LRRTM4: variants seen among roughly 807,000 people sequenced by gnomAD.
The protein encoded by LRRTM4 is leucine rich repeat transmembrane neuronal 4, also known as leucine-rich repeat transmembrane neuronal protein 4.
LRRTM4 carries 25 observed loss-of-function variants against 47.6 expected under a neutral mutation model. The observed-to-expected ratio is 0.53, with a 90% CI of 0.38 to 0.73. LRRTM4 has a LOEUF of 0.73. Ranked by LOEUF, LRRTM4 falls within the 30% of genes least tolerant of loss-of-function variation. LRRTM4 has a pLI of 0.00. For missense variants in LRRTM4, 638 were observed against 713.4 expected (o/e 0.89, Z 1.20); for synonymous variants, 311 against 269.5 (o/e 1.15, Z -1.51).
chr2:77,499,976 C>T (rs9309517), intron 3 of LRRTM4, among the ~76,000 whole-genome samples: 85,567 of 151,294 alleles, frequency 0.57, 24,622 homozygotes, highest in Middle Eastern at 0.66. Flanking sequence ...TGGAGCCCAA[C>T]AGGAGATACC....
At chr2:77,397,393 A>C (rs1038042236) in intron 3 of LRRTM4, among the ~76,000 whole-genome samples, 3 of 151,910 alleles carry the variant, frequency 2.0e-5, no homozygotes, top group African/African-American at 7.2e-5. Context: ...ACTGCTAATT[A>C]AACATAGCTA....
chr2:77,176,814 A>G (rs1673209411), intron 3 of LRRTM4, among the ~76,000 whole-genome samples: 1 of 152,230 alleles, frequency 6.6e-6, no homozygotes, highest in African/African-American at 2.4e-5. Context: ...AATCGCTAAG[A>G]CCCCACTGGT....
At chr2:76,911,102 CT>C (rs1333831851) in intron 3 of LRRTM4, among the ~76,000 whole-genome samples, 2 of 152,132 alleles carry the variant, frequency 1.3e-5, no homozygotes, top group East Asian at 3.9e-4. Context: ...ACAGAAATAT[CT>C]TTAAAACATA....
chr2:77,059,052 A>C (rs1485405593), intron 3 of LRRTM4, among the ~76,000 whole-genome samples: 1 of 152,122 alleles, frequency 6.6e-6, no homozygotes, highest in African/African-American at 2.4e-5. Context: ...TTGAAAACAA[A>C]GTCTTTTTTC....
At chr2:77,451,360 T>C (rs762584915) in intron 3 of LRRTM4, among the ~76,000 whole-genome samples, 1 of 152,220 alleles carries the variant, frequency 6.6e-6, no homozygotes, top group Non-Finnish European at 1.5e-5. Context: ...TATCTGTTGA[T>C]TGATTTTTAG....
intron 3 of LRRTM4, among the ~76,000 whole-genome samples, chr2:77,302,555 A>G (rs1677158792): frequency 6.6e-6 from 1 of 152,214 alleles, no homozygotes; most frequent in Admixed American, 6.5e-5. Context: ...TTAAATAAAA[A>G]AGTAAACCAC....
chr2:76,787,916 G>A (rs1350756089), intron 3 of LRRTM4, among the ~76,000 whole-genome samples: 1 of 152,006 alleles, frequency 6.6e-6, no homozygotes, highest in Admixed American at 6.6e-5. Context: ...CCCTCATTAT[G>A]AATTAAGTAA....
chr2:77,285,340 T>TATATATATATATATATATATA (rs1676621332), intron 3 of LRRTM4, among the ~76,000 whole-genome samples: 6 of 82,606 alleles, frequency 7.3e-5, no homozygotes, highest in Admixed American at 1.5e-4. Context: ...AGCATTAAAT[T>TATATATATATATATATATATA]TATATATATA....
At chr2:77,144,949 T>G (rs751446183) in intron 3 of LRRTM4, among the ~76,000 whole-genome samples, 1 of 152,150 alleles carries the variant, frequency 6.6e-6, no homozygotes, top group African/African-American at 2.4e-5. Flanking sequence ...TAGAAATGTA[T>G]GCTTGGATAA....
At chr2:77,428,684 G>T (rs1675226100) in intron 3 of LRRTM4, among the ~76,000 whole-genome samples, 1 of 152,132 alleles carries the variant, frequency 6.6e-6, no homozygotes, top group South Asian at 2.1e-4. Flanking sequence ...CCTGTGTATT[G>T]TCAATAGAAA....
At chr2:77,345,252 T>C (rs1671520473) in intron 3 of LRRTM4, among the ~76,000 whole-genome samples, 1 of 151,414 alleles carries the variant, frequency 6.6e-6, no homozygotes, top group Non-Finnish European at 1.5e-5. Context: ...TCACAATAAT[T>C]AAAAAGAAAA....
chr2:77,219,964 G>C (rs1674572314), intron 3 of LRRTM4, among the ~76,000 whole-genome samples: 1 of 152,166 alleles, frequency 6.6e-6, no homozygotes, highest in African/African-American at 2.4e-5. Context: ...CCCAGTAGGG[G>C]TGGACTGACA....
intron 3 of LRRTM4, among the ~76,000 whole-genome samples, chr2:77,497,754 C>A (rs978709303): frequency 6.0e-5 from 9 of 150,828 alleles, no homozygotes; most frequent in African/African-American, 2.2e-4. Context: ...AAAAATCATA[C>A]CACACATTCT....
At chr2:76,802,042 T>C (rs1675721539) in intron 3 of LRRTM4, among the ~76,000 whole-genome samples, 1 of 152,136 alleles carries the variant, frequency 6.6e-6, no homozygotes, top group South Asian at 2.1e-4. Flanking sequence ...GTGGAAAGCT[T>C]TTCCTCTAAA....
At chr2:76,961,748 A>G (rs1243314104) in intron 3 of LRRTM4, among the ~76,000 whole-genome samples, 1 of 151,280 alleles carries the variant, frequency 6.6e-6, no homozygotes, top group Admixed American at 6.6e-5. Context: ...TAGGACAAAA[A>G]TCTATTCTAT....
chr2:76,963,875 A>G (rs911916601), intron 3 of LRRTM4, among the ~76,000 whole-genome samples: 1 of 150,758 alleles, frequency 6.6e-6, no homozygotes, highest in Non-Finnish European at 1.5e-5. Flanking sequence ...CCATAATTAT[A>G]TAATTTTAAA....
chr2:77,057,804 A>G (rs1679658006), intron 3 of LRRTM4, among the ~76,000 whole-genome samples: 1 of 152,126 alleles, frequency 6.6e-6, no homozygotes, highest in Non-Finnish European at 1.5e-5. Flanking sequence ...CATAAATGAC[A>G]CCTCTATTAA....
Position 76,977,173 on chromosome 2 carries a change from G to T in LRRTM4, c.1552-228257C>A, listed in dbSNP as rs568214797. ...TTAATAAATCCTAAATAAAACTCTA[G>T]ATTCTACATCCCTTGCCAATCTTAA... On this transcript the variant is annotated intron_variant, in intron 3 of 3. Coordinates refer to ENST00000409884, the MANE Select transcript of LRRTM4 (RefSeq NM_001134745.3). 4.0e-5 allele frequency among the ~76,000 whole-genome samples: 6 copies of T among 151,308 alleles called. 1 individual carries two copies. The South Asian group carries it at 1.3e-3, about 32-fold the overall frequency.
At chr2:77,315,821 T>C (rs1250978925) in intron 3 of LRRTM4, among the ~76,000 whole-genome samples, 1 of 152,220 alleles carries the variant, frequency 6.6e-6, no homozygotes, top group Non-Finnish European at 1.5e-5. Flanking sequence ...CAGAAGATAC[T>C]GCCCTTTCTC....
Sources: allele counts gnomAD v4.1 joint callset (sites outside exome capture counted in the v4.1 genomes callset), GRCh38; gene constraint gnomAD v4.1.1; transcripts MANE v1.5; gene names NCBI Gene and HGNC (gene_info 2026-07-23, HGNC 2026-07-21).